KCNH1: variants seen among roughly 807,000 people sequenced by gnomAD.
KCNH1 encodes the protein potassium voltage-gated channel subfamily H member 1, also known as voltage-gated delayed rectifier potassium channel KCNH1.
A neutral mutation model predicts 69.2 loss-of-function variants in KCNH1; 27 were observed. The observed-to-expected ratio is 0.39, with a 90% CI of 0.29 to 0.54. KCNH1 has a LOEUF of 0.54. Ranked by LOEUF, KCNH1 falls within the 20% of genes least tolerant of loss-of-function variation. The pLI, the probability that KCNH1 is intolerant of heterozygous loss-of-function variation, is 0.68. For synonymous variants in KCNH1, 456 were observed against 487.7 expected, an observed-to-expected ratio of 0.93 and a Z score of 0.86; for missense variants, 798 against 1,261.6, an observed-to-expected ratio of 0.63 and a Z score of 5.57.
rs896133743 is a variant in KCNH1 at position 211,097,032 on chromosome 1, A to C, written c.311-6342T>G. 5.9e-5 allele frequency among the ~76,000 whole-genome samples: 9 copies of C among 152,378 alleles called. No individual in the cohort carries two copies. In the Middle Eastern group the frequency reaches 0.01, roughly 173 times the overall value. ...TCCCATTTCAAATGTGGGGAACCCA[A>C]GTAGGCAAGTATCCTAATCGAACTC... On this transcript the variant is annotated intron_variant, in intron 3 of 10. Coordinates refer to ENST00000271751, the MANE Select transcript of KCNH1 (RefSeq NM_172362.3).
intron 6 of KCNH1, among the ~76,000 whole-genome samples, chr1:210,924,291 G>T (rs530802958): frequency 1.8e-4 from 27 of 152,340 alleles, no homozygotes; most frequent in African/African-American, 6.3e-4. Context: ...ACAAGGTCTA[G>T]AGCACAGTGC....
At chr1:210,983,307 G>A (rs1688752941) in intron 6 of KCNH1, among the ~76,000 whole-genome samples, 1 of 152,168 alleles carries the variant, frequency 6.6e-6, no homozygotes, top group Non-Finnish European at 1.5e-5. Context: ...GTCTTTTGTT[G>A]CCATTGCTTT....
At chr1:210,898,684 G>GT (rs1043959617) in intron 7 of KCNH1, among the ~76,000 whole-genome samples, 6 of 151,970 alleles carry the variant, frequency 3.9e-5, no homozygotes, top group Admixed American at 1.3e-4. Context: ...GTGGCGGCGG[G>GT]GGGGGGTCCT....
At chr1:210,741,599 A>G (rs1370789208) in intron 10 of KCNH1, among the ~76,000 whole-genome samples, 1 of 152,226 alleles carries the variant, frequency 6.6e-6, no homozygotes, top group Non-Finnish European at 1.5e-5. Flanking sequence ...CTACCCAAGC[A>G]ACACTGCAAG....
intron 7 of KCNH1, among the ~76,000 whole-genome samples, chr1:210,869,330 C>A (rs1283332085): frequency 6.6e-6 from 1 of 152,034 alleles, no homozygotes; most frequent in Non-Finnish European, 1.5e-5. Flanking sequence ...TTTTTAGCCA[C>A]TACTTGTGAT....
chr1:210,830,132 T>C (rs1317872657), intron 7 of KCNH1, among the ~76,000 whole-genome samples: 1 of 152,280 alleles, frequency 6.6e-6, no homozygotes, highest in East Asian at 1.9e-4. Flanking sequence ...GAACTATCCT[T>C]AAGTTTCCCT....
chr1:210,970,060 C>T (rs1038352664), intron 6 of KCNH1, among the ~76,000 whole-genome samples: 91 of 152,128 alleles, frequency 6.0e-4, no homozygotes, highest in African/African-American at 2.1e-3. Context: ...CCACACCAAA[C>T]TAATTTTGTT....
intron 10 of KCNH1, among the ~76,000 whole-genome samples, chr1:210,733,539 A>G (rs1171364172): frequency 6.6e-6 from 1 of 152,220 alleles, no homozygotes; most frequent in Non-Finnish European, 1.5e-5. Context: ...TTTTCATCTG[A>G]GCAAATTCCA....
At chr1:211,072,965 T>C (rs1230122200) in intron 5 of KCNH1, among the ~76,000 whole-genome samples, 1 of 152,208 alleles carries the variant, frequency 6.6e-6, no homozygotes, top group Admixed American at 6.5e-5. Context: ...GACCCAACTA[T>C]ATGTCGTCTA....
chr1:210,858,966 C>A (rs1156658978), intron 7 of KCNH1: 2 of 496,502 alleles, frequency 4.0e-6, no homozygotes, highest in African/African-American at 1.9e-5. Flanking sequence ...TCCAATCCCC[C>A]CCACCCCCAA....
intron 7 of KCNH1, among the ~76,000 whole-genome samples, chr1:210,848,888 G>A (rs1685619467): frequency 6.6e-6 from 1 of 152,124 alleles, no homozygotes; most frequent in Admixed American, 6.5e-5. Flanking sequence ...AGGTGTTATA[G>A]AGGTTACAAA....
At chr1:210,694,863 A>C (rs1313213274) in intron 10 of KCNH1, among the ~76,000 whole-genome samples, 3 of 152,214 alleles carry the variant, frequency 2.0e-5, no homozygotes, top group African/African-American at 2.4e-5. Flanking sequence ...AATGTATGAG[A>C]TAGTTGGTCC....
chr1:210,929,918 C>T (rs533170718), intron 6 of KCNH1, among the ~76,000 whole-genome samples: 1 of 144,232 alleles, frequency 6.9e-6, no homozygotes, highest in East Asian at 2.0e-4. Context: ...GAACTGAATC[C>T]CTTTCACAAT....
intron 7 of KCNH1, chr1:210,858,971 C>T (rs2102477956): frequency 2.0e-6 from 1 of 496,820 alleles, no homozygotes; most frequent in East Asian, 3.2e-5. Flanking sequence ...TCCCCCCCAC[C>T]CCCAAAATCC....
At chr1:210,823,274 A>G (rs1197214646) in intron 7 of KCNH1, among the ~76,000 whole-genome samples, 3 of 152,232 alleles carry the variant, frequency 2.0e-5, no homozygotes, top group Admixed American at 6.5e-5. Flanking sequence ...TTGAAAGTCA[A>G]TAAGTCAGTG....
intron 6 of KCNH1, among the ~76,000 whole-genome samples, chr1:211,014,204 G>A (rs985679673): frequency 4.6e-5 from 7 of 152,072 alleles, no homozygotes; most frequent in East Asian, 1.9e-4. Context: ...AAGTTTCCTC[G>A]GGAGAGTGAA....
intron 5 of KCNH1, among the ~76,000 whole-genome samples, chr1:211,079,651 G>A (rs935090051): frequency 5.9e-5 from 9 of 152,182 alleles, no homozygotes; most frequent in African/African-American, 1.9e-4. Flanking sequence ...TGGGATGCAA[G>A]GCTGGTTCAA....
chr1:210,975,028 T>C (rs1018481839), intron 6 of KCNH1, among the ~76,000 whole-genome samples: 2 of 152,224 alleles, frequency 1.3e-5, no homozygotes, highest in African/African-American at 4.8e-5. Context: ...GTATTTTTTA[T>C]TAACCTGTGT....
chr1:210,798,972 C>T (rs1160189872), intron 8 of KCNH1, among the ~76,000 whole-genome samples: 1 of 151,934 alleles, frequency 6.6e-6, no homozygotes, highest in African/African-American at 2.4e-5. Context: ...ATCCTAGGCT[C>T]TGAGGATGAA....
Sources: allele counts gnomAD v4.1 joint callset (sites outside exome capture counted in the v4.1 genomes callset), GRCh38; gene constraint gnomAD v4.1.1; transcripts MANE v1.5; gene names NCBI Gene and HGNC (gene_info 2026-07-23, HGNC 2026-07-21).